Variants in LSMEM2 observed in about 807,000 individuals in gnomAD.
The protein encoded by LSMEM2 is leucine-rich single-pass membrane protein 2.
A neutral mutation model predicts 17.3 loss-of-function variants in LSMEM2; 20 were observed. That is an observed-to-expected ratio of 1.16 (90% CI 0.81 to 1.68). The LOEUF (loss-of-function observed/expected upper bound fraction) is 1.68. Among genes scored for constraint, LSMEM2 ranks in the 40% most tolerant of loss-of-function variants. The pLI is 0.00. For missense variants in LSMEM2, 207 were observed against 214.3 expected (o/e 0.97, Z 0.21); for synonymous variants, 94 against 97.8 (o/e 0.96, Z 0.23).
Position 50,287,025 on chromosome 3 carries a change from C to T in LSMEM2, c.362-44C>T, listed in dbSNP as rs1049190612. The T allele has an allele frequency of 5.6e-6, 9 of 1,609,856 alleles. No homozygotes were observed. In the East Asian group the frequency reaches 8.9e-5, roughly 16 times the overall value. ...TCCTGGGCTGGGTCTGCAGGGGTCA[C>T]GGGGTGGCACATGGTCTGATGATCC... is the stretch of plus-strand genomic sequence containing the variant. On this transcript the variant is annotated intron_variant, in intron 3 of 3. Transcript: ENST00000316436.
rs587662111 is a variant in LSMEM2, at chr3:50,282,641, T to G, written c.58+3470T>G. Among the ~76,000 whole-genome samples the G allele has an allele frequency of 7.2e-5, 11 of 152,232 alleles. No homozygotes were observed. The South Asian group carries it at 2.3e-3, about 32-fold the overall frequency. On this transcript the variant is annotated intron_variant, in intron 1 of 3. Coordinates refer to ENST00000316436, the MANE Select transcript of LSMEM2 (RefSeq NM_153215.3). ...GGCTCATGCCTGTAAACCCAGCACT[T>G]TGGGAGGACAAGATGGGCAGATGAC... is the stretch of plus-strand genomic sequence containing the variant.
intron 1 of LSMEM2, among the ~76,000 whole-genome samples, chr3:50,280,115 C>A (rs930323669): frequency 6.0e-5 from 9 of 149,734 alleles, no homozygotes; most frequent in African/African-American, 2.2e-4. Flanking sequence ...CCTCGTAAGC[C>A]ACCCACCTCA....
Position 50,287,392 on chromosome 3 carries a change from A to G in LSMEM2, c.*190A>G, listed in dbSNP as rs1367288077. 1.3e-6 allele frequency: 1 copy of G among 793,900 alleles called. No homozygotes were observed. Among genetic ancestry groups the G allele is most frequent in the Admixed American group, 2.8e-5 (1 of 35,546 alleles). The allele number at this position is 793,900 out of a possible 1,614,324, so 49.2% of individuals were successfully genotyped here. A position where few individuals can be genotyped will look rare whatever the true frequency, so the allele number is the denominator to read the frequency against. ...TGATCTCTTCAAGCCAGGCCTAGCC[A>G]AGCCTCTGGTGCCAAAGCCTCGCTT... On this transcript the variant is annotated 3_prime_UTR_variant, in exon 4 of 4. Transcript: ENST00000316436.
At chr3:50,281,360 CTT>C (rs1221742314) in intron 1 of LSMEM2, among the ~76,000 whole-genome samples, 1,369 of 103,210 alleles carry the variant, frequency 0.013, 17 homozygotes, top group African/African-American at 0.048. Flanking sequence ...GCGCCCGGCC[CTT>C]TTTTTTTTTT....
chr3:50,281,668 GA>G (rs1468025387), intron 1 of LSMEM2, among the ~76,000 whole-genome samples: 1 of 143,302 alleles, frequency 7.0e-6, no homozygotes, highest in Non-Finnish European at 1.5e-5. Context: ...CGGCAGCAGG[GA>G]ATTTTTTTTT....
intron 1 of LSMEM2, chr3:50,286,262 C>T: frequency 4.1e-6 from 1 of 246,716 alleles, no homozygotes; most frequent in Non-Finnish European, 6.5e-6. Context: ...TCAAATGTAC[C>T]TGTTGCTCCT....
At chr3:50,278,016 C>G (rs910673974), upstream of LSMEM2, among the ~76,000 whole-genome samples, 1 of 152,238 alleles carries the variant, frequency 6.6e-6, no homozygotes, top group Admixed American at 6.5e-5. Context: ...CAGAAGGCCT[C>G]ACTGAAGGGG....
upstream of LSMEM2, among the ~76,000 whole-genome samples, chr3:50,278,568 G>GATACACAA (rs879959029): frequency 0.1 from 15,895 of 152,164 alleles, 905 homozygotes; most frequent in African/African-American, 0.12. Context: ...GGCCAGCATG[G>GATACACAA]GTGCTGTTGG....
At chr3:50,279,878 CTTT>C (rs781923861) in intron 1 of LSMEM2, among the ~76,000 whole-genome samples, 2 of 144,220 alleles carry the variant, frequency 1.4e-5, no homozygotes, top group African/African-American at 2.5e-5. Context: ...ACATTTTCAA[CTTT>C]TTTTTTTTTT....
intron 1 of LSMEM2, 94 bp from the exon 2 acceptor site, chr3:50,286,377 C>G: frequency 6.8e-7 from 1 of 1,473,816 alleles, no homozygotes; most frequent in Non-Finnish European, 9.0e-7. Context: ...CCCACTATCC[C>G]TATCATCCGC....
At chr3:50,279,238 C>T in intron 1 of LSMEM2, 67 bp downstream of exon 1, 1 of 1,446,906 alleles carries the variant, frequency 6.9e-7, no homozygotes. Flanking sequence ...CATGGAGAGA[C>T]CCACCCTCTG....
intron 1 of LSMEM2, among the ~76,000 whole-genome samples, chr3:50,282,890 A>G (rs587671623): frequency 6.6e-6 from 1 of 152,006 alleles, no homozygotes; most frequent in Admixed American, 6.6e-5. Flanking sequence ...TCTCAAAAAA[A>G]ACAGACAAAC....
At chr3:50,283,690 T>C (rs180839164) in intron 1 of LSMEM2, among the ~76,000 whole-genome samples, 13 of 148,034 alleles carry the variant, frequency 8.8e-5, no homozygotes, top group African/African-American at 3.3e-4. Flanking sequence ...TGCTAGCTAC[T>C]AAGGAGGGTG....
At chr3:50,280,230 C>T (rs2109259535) in intron 1 of LSMEM2, among the ~76,000 whole-genome samples, 2 of 147,216 alleles carry the variant, frequency 1.4e-5, no homozygotes, top group South Asian at 4.3e-4. Context: ...TCTCGGCTCA[C>T]TGCAACCTCT....
chr3:50,288,092 AT>A lies in LSMEM2; in HGVS notation c.*891del. On this transcript the variant is annotated 3_prime_UTR_variant, in exon 4 of 4. Coordinates refer to ENST00000316436, the MANE Select transcript of LSMEM2 (RefSeq NM_153215.3). ...GTTTTTGGTTTTGTCATTAAAAAAA[AT>A]AAAGTGACAAATACTGGTGGAGACC... 8.8e-7 allele frequency: 1 copy of A among 1,140,256 alleles called. No individual in the cohort carries two copies. Among genetic ancestry groups the A allele is most frequent in the African/African-American group, 1.6e-5 (1 of 64,476 alleles). The allele number at this position is 1,140,256 out of a possible 1,614,324, so 70.6% of individuals were successfully genotyped here.
intron 1 of LSMEM2, among the ~76,000 whole-genome samples, chr3:50,283,222 T>C (rs998446805): frequency 1.5e-4 from 23 of 152,022 alleles, no homozygotes; most frequent in Admixed American, 1.2e-3. Flanking sequence ...CTGGGTGCGA[T>C]GGCTCACGCC....
chr3:50,287,282 C>T lies in LSMEM2; in HGVS notation c.*80C>T. 1 of 1,552,702 alleles carries T rather than the reference C, an allele frequency of 6.4e-7. No homozygotes were observed. Among genetic ancestry groups the T allele is most frequent in the East Asian group, 2.3e-5 (1 of 43,956 alleles). On this transcript the variant is annotated 3_prime_UTR_variant, in exon 4 of 4. Coordinates refer to ENST00000316436, the MANE Select transcript of LSMEM2 (RefSeq NM_153215.3). ...CTATGGGCAGGTCTCTCCTTCCCTA[C>T]TGCTGGCTGCCACATCTACACTATT... is the stretch of plus-strand genomic sequence containing the variant.
At position 50,282,709 on chromosome 3, in the gene LSMEM2, A is replaced by AC. The variant is rs758521412; in HGVS notation, c.58+3542dup. On this transcript the variant is annotated intron_variant, in intron 1 of 3. Coordinates refer to ENST00000316436, the MANE Select transcript of LSMEM2 (RefSeq NM_153215.3). ...AGACCAGCGTGGCCAAAATGGTGAA[A>AC]CCCCAGCTGTACTAAAAATGCAAAA... Among the ~76,000 whole-genome samples the AC allele has an allele frequency of 1.1e-3, 167 of 151,898 alleles. 1 individual carries two copies. Among genetic ancestry groups the AC allele is most frequent in the Non-Finnish European group, 2.0e-3 (134 of 67,962 alleles).
At chr3:50,281,386 G>C in intron 1 of LSMEM2, among the ~76,000 whole-genome samples, 1 of 80,532 alleles carries the variant, frequency 1.2e-5, no homozygotes, top group South Asian at 3.8e-4. Context: ...TTTCTGAGAC[G>C]GAGTCTTGCT....
Sources: allele counts gnomAD v4.1 joint callset (sites outside exome capture counted in the v4.1 genomes callset), GRCh38; gene constraint gnomAD v4.1.1; transcripts MANE v1.5; gene names NCBI Gene and HGNC (gene_info 2026-07-23, HGNC 2026-07-21).